The following SLC5A1 variants were observed in gnomAD, a reference collection of about 807,000 sequenced individuals.
The protein encoded by SLC5A1 is solute carrier family 5 member 1.
SLC5A1 carries 42 observed loss-of-function variants against 73.5 expected under a neutral mutation model. The observed-to-expected ratio is 0.57, with a 90% confidence interval of 0.45 to 0.74. The LOEUF is 0.74. SLC5A1 is among the 30% of genes least tolerant of loss of function. The probability of loss-of-function intolerance (pLI) is 0.00; values close to 1 mark genes in which losing one functional copy is unlikely to be tolerated. For synonymous variants in SLC5A1, 300 were observed against 317.4 expected (o/e 0.95, Z 0.58); for missense variants, 634 against 855.4 (o/e 0.74, Z 3.23).
Position 32,084,559 on chromosome 22 carries a change from C to A in SLC5A1, c.785C>A (p.Ser262Tyr). 10 of 1,614,260 alleles carry A rather than the reference C, an allele frequency of 6.2e-6. No individual in the cohort carries two copies. Among genetic ancestry groups the A allele is most frequent in the Non-Finnish European group, 8.5e-6 (10 of 1,180,048 alleles). Residue 262 changes from serine (S) to tyrosine (Y), a missense_variant, in exon 8 of 15, where the codon TCC (serine) becomes TAC (tyrosine). Ser to Tyr is a moderately radical substitution (Grantham distance 144). Coordinates refer to ENST00000266088, the MANE Select transcript of SLC5A1 (RefSeq NM_000343.4). The part of the protein sequence containing the change: ...QEKCYTPRAD[S>Y]FHIFRDPLTG... ...AAATGCTACACTCCAAGGGCCGACT[C>A]CTTCCACATCTTCCGAGATCCCCTC...
intron 11 of SLC5A1, among the ~76,000 whole-genome samples, chr22:32,098,851 C>G (rs2094030641): frequency 6.6e-6 from 1 of 151,700 alleles, no homozygotes; most frequent in Admixed American, 6.6e-5. Context: ...CTTTGGGAGG[C>G]CGAGGCGGGC....
chr22:32,099,434 A>T (rs530072359), intron 12 of SLC5A1, 83 bp downstream of exon 12: 17 of 1,288,104 alleles, frequency 1.3e-5, no homozygotes, highest in African/African-American at 1.3e-4. Context: ...TGTGGGAGGG[A>T]TTCTATTTCC....
At chr22:32,066,007 G>A (rs1336126395) in intron 2 of SLC5A1, among the ~76,000 whole-genome samples, 2 of 152,148 alleles carry the variant, frequency 1.3e-5, no homozygotes, top group Non-Finnish European at 2.9e-5. Flanking sequence ...TTCTCCTCTT[G>A]GATACAGAAG....
chr22:32,050,260 T>G (rs752163602), intron 2 of SLC5A1, among the ~76,000 whole-genome samples: 57 of 152,212 alleles, frequency 3.7e-4, no homozygotes, highest in Non-Finnish European at 7.2e-4. Flanking sequence ...TCAAAGCCTA[T>G]CATTGGTCCA....
intron 2 of SLC5A1, among the ~76,000 whole-genome samples, chr22:32,056,158 ACT>A (rs1853190804): frequency 6.6e-6 from 1 of 152,050 alleles, no homozygotes; most frequent in African/African-American, 2.4e-5. Context: ...AGTACCTGGG[ACT>A]ACAGGTGCGT....
intron 5 of SLC5A1, among the ~76,000 whole-genome samples, chr22:32,076,626 T>C (rs2093991308): frequency 6.6e-6 from 1 of 152,240 alleles, no homozygotes; most frequent in African/African-American, 2.4e-5. Context: ...CCACTCACTT[T>C]CACAAGTGGA....
intron 9 of SLC5A1, among the ~76,000 whole-genome samples, 163 bp from the exon 10 acceptor site, chr22:32,086,057 C>T (rs1198866734): frequency 2.0e-5 from 3 of 151,330 alleles, no homozygotes; most frequent in Non-Finnish European, 4.4e-5. Flanking sequence ...AGGAGAATGG[C>T]GTGAACCCGG....
At chr22:32,099,105 AATAT>A (rs765568860) in intron 11 of SLC5A1, 74 bp from the exon 12 acceptor site, 597 of 57,594 alleles carry the variant, frequency 0.01, 34 homozygotes, top group Middle Eastern at 0.028. Context: ...AAAAAAAAAA[AATAT>A]ATATATATAT....
chr22:32,104,643 T>C, intron 13 of SLC5A1, 143 bp from the exon 14 acceptor site: 1 of 703,186 alleles, frequency 1.4e-6, no homozygotes, highest in South Asian at 1.5e-5. Context: ...ATGTTATGGA[T>C]GAGAATCGTT....
At position 32,093,371 on chromosome 22, in the gene SLC5A1, T is replaced by C. The variant is rs554942995; in HGVS notation, c.1280+1609T>C. ...TGGTGGTATTTTGATGTGAATTGCA[T>C]TGAATTTGTAGATTGCTTTTGGCAG... On this transcript the variant is annotated intron_variant, in intron 11 of 14. Transcript: ENST00000266088. Among the ~76,000 whole-genome samples, 7 of 152,310 alleles carry C rather than the reference T, an allele frequency of 4.6e-5. No individual in the cohort carries two copies. In the East Asian group the frequency reaches 1.2e-3, roughly 25 times the overall value.
intron 11 of SLC5A1, among the ~76,000 whole-genome samples, chr22:32,096,148 C>A (rs1245229671): frequency 3.9e-5 from 6 of 152,170 alleles, no homozygotes; most frequent in Non-Finnish European, 8.8e-5. Flanking sequence ...GATGCTCTGT[C>A]CATCTGAGTG....
chr22:32,094,475 T>C (rs1392384602), intron 11 of SLC5A1, among the ~76,000 whole-genome samples: 2 of 152,130 alleles, frequency 1.3e-5, no homozygotes, highest in African/African-American at 4.8e-5. Flanking sequence ...GGTTCTGGAC[T>C]TTTTTTGGTT....
intron 5 of SLC5A1, among the ~76,000 whole-genome samples, chr22:32,068,999 T>C (rs1182740277): frequency 2.0e-5 from 3 of 152,168 alleles, no homozygotes; most frequent in Non-Finnish European, 4.4e-5. Context: ...ATAGTGAAGA[T>C]ATAGAATCAA....
At chr22:32,090,052 T>G (rs150830819) in intron 10 of SLC5A1, among the ~76,000 whole-genome samples, 113 of 151,300 alleles carry the variant, frequency 7.5e-4, no homozygotes, top group South Asian at 1.7e-3. Flanking sequence ...GGCCTAGAGC[T>G]TGACGTAACT....
intron 2 of SLC5A1, among the ~76,000 whole-genome samples, chr22:32,065,489 A>C (rs1268403652): frequency 6.6e-6 from 1 of 152,140 alleles, no homozygotes; most frequent in Non-Finnish European, 1.5e-5. Flanking sequence ...TCTTCAATCT[A>C]ATCACTCTGT....
intron 3 of SLC5A1, among the ~76,000 whole-genome samples, chr22:32,067,662 T>C (rs2093976028): frequency 6.6e-6 from 1 of 152,152 alleles, no homozygotes; most frequent in Non-Finnish European, 1.5e-5. Flanking sequence ...TTATTGTTAT[T>C]ATTAAAGCTC....
rs1172355473 is a variant in SLC5A1, at chr22:32,043,876, G to C, written c.135+460G>C. On this transcript the variant is annotated intron_variant, in intron 1 of 14. Transcript: ENST00000266088. This position sits in a 1 kb window ranked among gnomAD's most constrained non-coding sequence, Gnocchi z 6.5. ...CTCTGCCAGCCCCAGAGATGGGGAT[G>C]CTGAGGTGGCAGACAGAGGGATGCT... is the stretch of plus-strand genomic sequence containing the variant. 6.6e-6 allele frequency among the ~76,000 whole-genome samples: 1 copy of C among 152,200 alleles called. No homozygotes were observed. Among genetic ancestry groups the C allele is most frequent in the Non-Finnish European group, 1.5e-5 (1 of 68,026 alleles).
intron 12 of SLC5A1, among the ~76,000 whole-genome samples, chr22:32,100,803 G>A (rs567006946): frequency 1.3e-5 from 2 of 152,288 alleles, no homozygotes; most frequent in African/African-American, 4.8e-5. Context: ...TCATCTAGAA[G>A]TCACTTCCAG....
chr22:32,101,185 A>G (rs1194591118), intron 12 of SLC5A1, among the ~76,000 whole-genome samples: 1 of 152,200 alleles, frequency 6.6e-6, no homozygotes, highest in Non-Finnish European at 1.5e-5. Flanking sequence ...GCTGACCAGC[A>G]CCTGATAAAA....
Sources: allele counts gnomAD v4.1 joint callset (sites outside exome capture counted in the v4.1 genomes callset), GRCh38; gene constraint gnomAD v4.1.1; non-coding constraint Gnocchi (gnomAD v3.1); transcripts MANE v1.5; gene names NCBI Gene and HGNC (gene_info 2026-07-23, HGNC 2026-07-21).